The following ACBD6 variants were observed in gnomAD, a reference collection of about 807,000 sequenced individuals.
ACBD6 encodes the protein acyl-CoA-binding domain-containing protein 6.
ACBD6 carries 28 observed loss-of-function variants against 37.2 expected under a neutral mutation model. The observed-to-expected ratio is 0.75, with a 90% CI of 0.56 to 1.03. The LOEUF (loss-of-function observed/expected upper bound fraction) is 1.03. Among genes scored for constraint, ACBD6 ranks in the 50% least tolerant of loss-of-function variants. ACBD6 has a pLI of 0.00. For synonymous variants in ACBD6, 113 were observed against 126.8 expected (o/e 0.89, Z 0.73); for missense variants, 340 against 337.4 (o/e 1.01, Z -0.06).
At chr1:180,440,790 T>C (rs1449554134) in intron 3 of ACBD6, among the ~76,000 whole-genome samples, 2 of 152,244 alleles carry the variant, frequency 1.3e-5, no homozygotes, top group African/African-American at 4.8e-5. Flanking sequence ...TTCATATAAA[T>C]TGAATCATAC....
intron 4 of ACBD6, among the ~76,000 whole-genome samples, chr1:180,423,973 A>ATTTTAT (rs1397565398): frequency 6.6e-6 from 1 of 152,208 alleles, no homozygotes; most frequent in Non-Finnish European, 1.5e-5. Context: ...GAAAGACCAA[A>ATTTTAT]GTCTCCAATT....
chr1:180,351,790 T>C (rs2101893687), intron 6 of ACBD6, among the ~76,000 whole-genome samples: 1 of 152,234 alleles, frequency 6.6e-6, no homozygotes, highest in Admixed American at 6.5e-5. Context: ...CAGAGAATGA[T>C]CCAGTAATTC....
At chr1:180,498,395 T>A (rs574758221) in intron 1 of ACBD6, among the ~76,000 whole-genome samples, 1 of 152,304 alleles carries the variant, frequency 6.6e-6, no homozygotes, top group East Asian at 1.9e-4. Flanking sequence ...TGAGTTGTTC[T>A]GTTAAGTAAA....
intron 5 of ACBD6, 26 bp from the exon 6 acceptor site, chr1:180,397,631 T>C: frequency 6.4e-7 from 1 of 1,561,738 alleles, no homozygotes; most frequent in Non-Finnish European, 8.8e-7. Context: ...ATAAATGAAT[T>C]TGTTATCTCA....
intron 3 of ACBD6, among the ~76,000 whole-genome samples, chr1:180,453,005 C>T (rs1001778685): frequency 2.0e-5 from 3 of 152,180 alleles, no homozygotes; most frequent in Non-Finnish European, 4.4e-5. Context: ...GAGCTCATAC[C>T]ACTCCTTCTG....
chr1:180,465,961 T>G (rs556820177), intron 3 of ACBD6, among the ~76,000 whole-genome samples: 1 of 151,930 alleles, frequency 6.6e-6, no homozygotes, highest in Non-Finnish European at 1.5e-5. Context: ...ACATAAGAAC[T>G]TATGAACACA....
exon 14 of ACBD6, chr1:180,271,425 C>A: frequency 6.2e-7 from 1 of 1,614,142 alleles, no homozygotes; most frequent in Non-Finnish European, 8.5e-7. Context: ...ACCATCACAG[C>A]CAAGCAGCTG....
At chr1:180,280,470 A>G (rs181419854) in intron 9 of ACBD6, among the ~76,000 whole-genome samples, 206 of 152,288 alleles carry the variant, frequency 1.4e-3, no homozygotes, top group Non-Finnish European at 2.3e-3. Context: ...GACTTAACCT[A>G]AGTCCTACAA....
intron 6 of ACBD6, among the ~76,000 whole-genome samples, chr1:180,335,619 C>T (rs12097272): frequency 0.073 from 10,997 of 151,650 alleles, 969 homozygotes; most frequent in East Asian, 0.29. Flanking sequence ...AGCAAAATAA[C>T]CAGCTAACAT....
downstream of ACBD6, among the ~76,000 whole-genome samples, chr1:180,285,031 G>C (rs554025590): frequency 1.1e-3 from 165 of 152,220 alleles, no homozygotes; most frequent in Non-Finnish European, 1.9e-3. Flanking sequence ...AGCTACTTGG[G>C]AGGCTGAGGT....
At chr1:180,457,762 A>G (rs1434436257) in intron 3 of ACBD6, among the ~76,000 whole-genome samples, 1 of 152,064 alleles carries the variant, frequency 6.6e-6, no homozygotes, top group East Asian at 1.9e-4. Flanking sequence ...GCATTATTCC[A>G]AAAAAGTCTA....
intron 3 of ACBD6, among the ~76,000 whole-genome samples, chr1:180,430,898 T>C (rs976980622): frequency 6.6e-6 from 1 of 152,098 alleles, no homozygotes; most frequent in African/African-American, 2.4e-5. Flanking sequence ...TTCTAAAACA[T>C]GTAATGTGGA....
At chr1:180,375,248 A>G (rs1653390521) in intron 6 of ACBD6, among the ~76,000 whole-genome samples, 1 of 152,230 alleles carries the variant, frequency 6.6e-6, no homozygotes, top group Non-Finnish European at 1.5e-5. Context: ...GAAGCAGTGG[A>G]AGAGGTTATG....
chr1:180,429,008 A>T (rs1276154229), intron 4 of ACBD6, among the ~76,000 whole-genome samples: 2 of 152,124 alleles, frequency 1.3e-5, no homozygotes, highest in Non-Finnish European at 2.9e-5. Context: ...AGCTGTGGCT[A>T]CCTCCCAAGT....
intron 8 of ACBD6, among the ~76,000 whole-genome samples, chr1:180,283,083 C>T (rs1649361814): frequency 6.8e-6 from 1 of 147,484 alleles, no homozygotes. Context: ...TCCATGAAAG[C>T]CATGGGCACA....
chr1:180,349,237 A>C (rs1353768645), intron 6 of ACBD6, among the ~76,000 whole-genome samples: 1 of 147,932 alleles, frequency 6.8e-6, no homozygotes, highest in Non-Finnish European at 1.5e-5. Context: ...TTTTAGTATA[A>C]TAAAAAATAT....
At chr1:180,392,422 T>C (rs1654111491) in intron 6 of ACBD6, among the ~76,000 whole-genome samples, 2 of 152,212 alleles carry the variant, frequency 1.3e-5, no homozygotes, top group Non-Finnish European at 2.9e-5. Context: ...TTAAAATATA[T>C]ACATGTAAGT....
At chr1:180,277,462 G>A (rs374658124) in intron 9 of ACBD6, 2 of 152,332 alleles carry the variant, frequency 1.3e-5, no homozygotes, top group South Asian at 4.1e-4. Context: ...CGACTTTAGA[G>A]TAGGAAGCTC....
At chr1:180,356,017 G>A (rs868375008) in intron 6 of ACBD6, among the ~76,000 whole-genome samples, 22 of 146,426 alleles carry the variant, frequency 1.5e-4, no homozygotes, top group Non-Finnish European at 2.7e-4. Flanking sequence ...ACAGGCACAC[G>A]CCACCACGCC....
Sources: gnomAD v4.1 joint callset for allele counts (sites outside exome capture counted in the v4.1 genomes callset) on GRCh38, gnomAD v4.1.1 for gene constraint, MANE v1.5 for transcripts, NCBI Gene and HGNC (gene_info 2026-07-23, HGNC 2026-07-21) for gene names.